Variants in FSD1L observed in about 807,000 individuals in gnomAD.
The protein encoded by FSD1L is FSD1-like protein.
FSD1L carries 45 observed loss-of-function variants against 71.6 expected under a neutral mutation model. The ratio of observed to expected loss-of-function variants is 0.63; its 90% CI spans 0.49 to 0.81. The LOEUF is 0.81. FSD1L is among the 30% of genes least tolerant of loss of function. The pLI is 0.00. For synonymous variants in FSD1L, 197 were observed against 207.2 expected, an observed-to-expected ratio of 0.95 and a Z score of 0.42; for missense variants, 561 against 618.1, an observed-to-expected ratio of 0.91 and a Z score of 0.98.
chr9:105,443,326 C>T (rs945887867), upstream of FSD1L, among the ~76,000 whole-genome samples: 1 of 106,808 alleles, frequency 9.4e-6, no homozygotes, highest in East Asian at 2.0e-4. Flanking sequence ...AGATGAAAGA[C>T]AGCTTTCATC....
intron 6 of FSD1L, among the ~76,000 whole-genome samples, 193 bp from the exon 7 acceptor site, chr9:105,484,188 T>A (rs1029039372): frequency 2.6e-5 from 4 of 152,180 alleles, no homozygotes; most frequent in African/African-American, 7.2e-5. Context: ...CTTAAATGTC[T>A]TTAAAAAGAC....
chr9:105,506,722 T>A, intron 8 of FSD1L, 114 bp downstream of exon 8: 1 of 726,422 alleles, frequency 1.4e-6, no homozygotes, highest in Non-Finnish European at 2.3e-6. Context: ...CACACTGAGT[T>A]TTTAGATACT....
Position 105,468,195 on chromosome 9 carries a change from A to G in FSD1L, c.210A>G (p.Glu70=), listed in dbSNP as rs752287778. ...GTTTTGTTTTGTTTTTTAAACAGGAAAATTCGTCCAACATACTCTCAGAGT... is the reference window on the plus strand; with the variant it reads ...GTTTTGTTTTGTTTTTTAAACAGGAGAATTCGTCCAACATACTCTCAGAGT... The part of the protein sequence containing the change: ...TLHHTLKGVQ[E]NSSNILSELD... The change falls in exon 4 of 14, where the codon GAA becomes GAG. Residue 70 remains glutamate (E), a splice_region_variant and synonymous_variant. Transcript: ENST00000481272. 74 of 1,393,036 alleles carry G rather than the reference A, an allele frequency of 5.3e-5. No individual in the cohort carries two copies. The highest frequency in any genetic ancestry group is 6.9e-5 in the Non-Finnish European group (74 of 1,072,772). The allele number at this position is 1,393,036 out of a possible 1,614,324, so 86.3% of individuals were successfully genotyped here.
At chr9:105,519,904 C>T (rs1835010327) in intron 10 of FSD1L, among the ~76,000 whole-genome samples, 1 of 152,226 alleles carries the variant, frequency 6.6e-6, no homozygotes, top group African/African-American at 2.4e-5. Flanking sequence ...GAGGGATCCG[C>T]CATATTGGAG....
intron 6 of FSD1L, among the ~76,000 whole-genome samples, chr9:105,482,530 A>C (rs1222739735): frequency 6.6e-6 from 1 of 152,192 alleles, no homozygotes; most frequent in Non-Finnish European, 1.5e-5. Context: ...ATTAAAGCAT[A>C]CCTAGCCTTC....
At chr9:105,473,769 CTCTT>C (rs2131657204) in intron 5 of FSD1L, among the ~76,000 whole-genome samples, 1 of 152,324 alleles carries the variant, frequency 6.6e-6, no homozygotes, top group South Asian at 2.1e-4. Context: ...TCCCACGTTT[CTCTT>C]TCTATTGACA....
chr9:105,483,043 G>A (rs967242833), intron 6 of FSD1L, among the ~76,000 whole-genome samples: 1 of 152,110 alleles, frequency 6.6e-6, no homozygotes, highest in African/African-American at 2.4e-5. Flanking sequence ...GTAGGACTTA[G>A]TATTTGTTCC....
At chr9:105,442,227 G>A in the FSD1L span, among the ~76,000 whole-genome samples, 2 of 152,304 alleles carry the variant, frequency 1.3e-5, no homozygotes, top group Admixed American at 1.3e-4. Flanking sequence ...AAGAAGTGGG[G>A]CTTCTTGCAA....
rs368614833 is a variant in FSD1L, at chr9:105,483,368, C to A, written c.465-1013C>A. Among the ~76,000 whole-genome samples, 85 of 152,208 alleles carry A rather than the reference C, an allele frequency of 5.6e-4. 1 individual carries two copies. The South Asian group carries it at 0.017, about 31-fold the overall frequency. On this transcript the variant is annotated intron_variant, in intron 6 of 13. Transcript: ENST00000481272. ...GACTTCTTGGGTAGATTTGGCAGAT[C>A]CAATTGATTTGGCAGATACAATTGA...
intron 10 of FSD1L, among the ~76,000 whole-genome samples, chr9:105,515,503 G>A (rs1298042233): frequency 6.6e-6 from 1 of 152,160 alleles, no homozygotes; most frequent in Non-Finnish European, 1.5e-5. Flanking sequence ...CATTGGGACT[G>A]GTTGGACAGT....
chr9:105,446,260 T>G (rs1018361642), upstream of FSD1L, among the ~76,000 whole-genome samples: 1 of 152,256 alleles, frequency 6.6e-6, no homozygotes, highest in Admixed American at 6.5e-5. Flanking sequence ...CCCTAGATCC[T>G]TGTACAATTC....
At chr9:105,536,034 A>G (rs903269791) in intron 12 of FSD1L, among the ~76,000 whole-genome samples, 4 of 152,202 alleles carry the variant, frequency 2.6e-5, no homozygotes, top group Admixed American at 2.6e-4. Flanking sequence ...TTATTAACAC[A>G]GTGTAGTCTA....
chr9:105,525,209 G>A (rs566069896), intron 10 of FSD1L: 32 of 1,603,704 alleles, frequency 2.0e-5, no homozygotes, highest in South Asian at 5.7e-5. Context: ...AGATATAACC[G>A]TAAAAGATGG....
At chr9:105,467,499 A>G (rs1831160740) in intron 3 of FSD1L, among the ~76,000 whole-genome samples, 1 of 152,176 alleles carries the variant, frequency 6.6e-6, no homozygotes, top group Non-Finnish European at 1.5e-5. Flanking sequence ...CTTGAAATGC[A>G]TTATTGACCA....
At chr9:105,540,616 C>T (rs913171226) in intron 13 of FSD1L, among the ~76,000 whole-genome samples, 4 of 152,098 alleles carry the variant, frequency 2.6e-5, no homozygotes, top group Non-Finnish European at 5.9e-5. Context: ...TAGATACGTT[C>T]TTTAATTCCC....
chr9:105,487,946 A>T (rs1832663544), intron 7 of FSD1L, among the ~76,000 whole-genome samples: 1 of 152,224 alleles, frequency 6.6e-6, no homozygotes, highest in Non-Finnish European at 1.5e-5. Context: ...ACCTTCACAC[A>T]TGCATAGCCT....
intron 5 of FSD1L, among the ~76,000 whole-genome samples, chr9:105,477,769 T>A: frequency 6.6e-6 from 1 of 152,344 alleles, no homozygotes; most frequent in East Asian, 1.9e-4. Flanking sequence ...GGTACTACAG[T>A]AGTTTCATGA....
upstream of FSD1L, among the ~76,000 whole-genome samples, chr9:105,444,749 C>G (rs78123553): frequency 0.013 from 2,030 of 152,280 alleles, 49 homozygotes; most frequent in African/African-American, 0.047. Context: ...AGGTTTTGAA[C>G]TGATATTTTT....
intron 7 of FSD1L, among the ~76,000 whole-genome samples, chr9:105,505,301 C>T (rs768758444): frequency 2.3e-4 from 35 of 152,190 alleles, no homozygotes; most frequent in Non-Finnish European, 4.1e-4. Flanking sequence ...CGCTCTGTTG[C>T]CCAGGCTGGA....
Sources: gnomAD v4.1 joint callset for allele counts (sites outside exome capture counted in the v4.1 genomes callset) on GRCh38, gnomAD v4.1.1 for gene constraint, MANE v1.5 for transcripts, NCBI Gene and HGNC (gene_info 2026-07-23, HGNC 2026-07-21) for gene names.